The following OR2A5 variants were observed in gnomAD, a reference collection of about 807,000 sequenced individuals.
The protein encoded by OR2A5 is olfactory receptor 2A5.
A neutral mutation model predicts 1.9 loss-of-function variants in OR2A5; 2 were observed. That is an observed-to-expected ratio of 1.04 (90% CI 0.43 to 3.28). The LOEUF is 3.28. Among genes scored for constraint, OR2A5 ranks in the 30% most tolerant of loss-of-function variants. The pLI is 0.08. For synonymous variants in OR2A5, 160 were observed against 154.5 expected (o/e 1.04, Z -0.26); for missense variants, 391 against 375.9 (o/e 1.04, Z -0.33).
rs546146455 is a variant in OR2A5, at chr7:144,054,327, A to C, written c.*2990A>C. The C allele has an allele frequency of 1.3e-5, 2 of 152,202 alleles. No homozygotes were observed. Among genetic ancestry groups the C allele is most frequent in the South Asian group, 2.1e-4 (1 of 4,830 alleles). 9.4% of individuals were successfully genotyped at this position (152,202 alleles called of 1,614,324 possible). ...ATATAACTTTTATGAATGCTAAATG[A>C]AAGACTTTATGTGACTCTGATTTGA... is the stretch of plus-strand genomic sequence containing the variant. On this transcript the variant is annotated 3_prime_UTR_variant, in exon 2 of 2. Transcript: ENST00000641693.
intron 1 of OR2A5, among the ~76,000 whole-genome samples, 194 bp from the exon 2 acceptor site, chr7:144,050,157 T>G (rs1028659461): frequency 3.9e-5 from 6 of 152,210 alleles, no homozygotes; most frequent in African/African-American, 1.4e-4. Flanking sequence ...TCTGTGGGAC[T>G]GGATATAGTA....
rs1171857489 is a variant in OR2A5 at position 144,051,183 on chromosome 7, C to A, written c.782C>A (p.Ala261Asp). 2 of 1,613,926 alleles carry A rather than the reference C, an allele frequency of 1.2e-6. No individual in the cohort carries two copies. The highest frequency in any genetic ancestry group is 1.7e-6 in the Non-Finnish European group (2 of 1,179,922). Residue 261 changes from alanine (A) to aspartate (D), a missense_variant, in exon 2 of 2, where the codon GCC becomes GAC. Transcript: ENST00000641693. ...FFGSAIVMYM[A>D]PKSRHPEEQQ... ...GGCAGCGCCATTGTCATGTACATGGCCCCCAAGTCCCGCCACCCTGAGGAG... is the reference window on the plus strand; with the variant it reads ...GGCAGCGCCATTGTCATGTACATGGACCCCAAGTCCCGCCACCCTGAGGAG...
rs1172789226 is a variant in OR2A5 at position 144,055,820 on chromosome 7, C to T, written c.*4483C>T. 6.6e-6 allele frequency: 1 copy of T among 152,136 alleles called. No homozygotes were observed. Among genetic ancestry groups the T allele is most frequent in the Non-Finnish European group, 1.5e-5 (1 of 68,082 alleles). 9.4% of individuals were successfully genotyped at this position (152,136 alleles called of 1,614,324 possible). A position where few individuals can be genotyped will look rare whatever the true frequency, so the allele number is the denominator to read the frequency against. ...ATTGAGGTGGGAGGATCGCTTGAGC[C>T]CCGTAGTTTGAGGCTGCAGTGAGCT... is the stretch of plus-strand genomic sequence containing the variant. On this transcript the variant is annotated 3_prime_UTR_variant, in exon 2 of 2. Transcript: ENST00000641693.
At position 144,056,586 on chromosome 7, in the gene OR2A5, A is replaced by T. The variant is rs977172807; in HGVS notation, c.*5249A>T. 3 of 152,224 alleles carry T rather than the reference A, an allele frequency of 2.0e-5. No individual in the cohort carries two copies. Among genetic ancestry groups the T allele is most frequent in the Middle Eastern group, 3.2e-3 (1 of 316 alleles). 9.4% of individuals were successfully genotyped at this position (152,224 alleles called of 1,614,324 possible). ...CAAAATATCAACAACTGGAAAATAA[A>T]TTCACTTCTGATGATGTCCCTTGTG... is the stretch of plus-strand genomic sequence containing the variant. On this transcript the variant is annotated 3_prime_UTR_variant, in exon 2 of 2. Transcript: ENST00000641693.
At position 144,051,100 on chromosome 7, in the gene OR2A5, C is replaced by A; in HGVS notation, c.699C>A (p.Gly233=). 6.2e-7 allele frequency: 1 copy of A among 1,614,156 alleles called. No homozygotes were observed. Among genetic ancestry groups the A allele is most frequent in the Admixed American group, 1.7e-5 (1 of 60,034 alleles). ...TCTTGAGGATCCAGTCTGGGGAGGG[C>A]CGCAGAAAGGCCTTCTCCACCTGCT... ...AAILRIQSGE[G]RRKAFSTCSS... Residue 233 remains glycine, a synonymous_variant, in exon 2 of 2, where the codon GGC becomes GGA. Coordinates refer to ENST00000641693, the MANE Select transcript of OR2A5 (RefSeq NM_012365.2).
rs774946083 is a variant in OR2A5, at chr7:144,050,587, C to T, written c.186C>T (p.Leu62=). Residue 62 remains leucine, a synonymous_variant, in exon 2 of 2, where the codon CTC becomes CTT. Coordinates refer to ENST00000641693, the MANE Select transcript of OR2A5 (RefSeq NM_012365.2). The part of the protein sequence containing the change: ...SRLHTPMYFF[L]SHLAIIDISY... Reference sequence around the variant, plus strand: ...TGCACACCCCCATGTACTTCTTTCTCTCACACCTGGCCATCATTGATATTT... The same window carrying T: ...TGCACACCCCCATGTACTTCTTTCTTTCACACCTGGCCATCATTGATATTT... 3.7e-6 allele frequency: 6 copies of T among 1,610,962 alleles called. No homozygotes were observed. In the African/African-American group the frequency reaches 5.3e-5, roughly 14 times the overall value.
rs569709047 is a variant in OR2A5, at chr7:144,054,101, T to G, written c.*2764T>G. The G allele has an allele frequency of 6.6e-6, 1 of 152,342 alleles. No homozygotes were observed. Among genetic ancestry groups the G allele is most frequent in the Non-Finnish European group, 1.5e-5 (1 of 68,036 alleles). The allele number at this position is 152,342 out of a possible 1,614,324, so 9.4% of individuals were successfully genotyped here. On this transcript the variant is annotated 3_prime_UTR_variant, in exon 2 of 2. Coordinates refer to ENST00000641693, the MANE Select transcript of OR2A5 (RefSeq NM_012365.2). ...TGTACAGATCCGTGATGGACCTACC[T>G]TACCAGTGCTCTAGGCTGCTAGGAC...
chr7:144,058,469 GT>G lies in OR2A5; in HGVS notation c.*7135del, dbSNP rs2050957741. 6.6e-6 allele frequency: 1 copy of G among 152,316 alleles called. No individual in the cohort carries two copies. Among genetic ancestry groups the G allele is most frequent in the Admixed American group, 6.6e-5 (1 of 15,256 alleles). 9.4% of individuals were successfully genotyped at this position (152,316 alleles called of 1,614,324 possible). A position where few individuals can be genotyped will look rare whatever the true frequency, so the allele number is the denominator to read the frequency against. On this transcript the variant is annotated 3_prime_UTR_variant, in exon 2 of 2. Coordinates refer to ENST00000641693, the MANE Select transcript of OR2A5 (RefSeq NM_012365.2). ...CTGGGCAATTTATTTTTAAAACAGG[GT>G]TTAGTTGACTCACAGTTCAGCATGG... is the stretch of plus-strand genomic sequence containing the variant.
rs536745950 is a variant in OR2A5, at chr7:144,054,445, C to T, written c.*3108C>T. 6.6e-6 allele frequency: 1 copy of T among 152,102 alleles called. No individual in the cohort carries two copies. Among genetic ancestry groups the T allele is most frequent in the Non-Finnish European group, 1.5e-5 (1 of 68,012 alleles). 9.4% of individuals were successfully genotyped at this position (152,102 alleles called of 1,614,324 possible). A position where few individuals can be genotyped will look rare whatever the true frequency, so the allele number is the denominator to read the frequency against. ...AGAGCTGGTAAAATTCATGACTAAA[C>T]AACTATAAAACTACAAAATCCAATT... On this transcript the variant is annotated 3_prime_UTR_variant, in exon 2 of 2. Transcript: ENST00000641693.
In OR2A5 at chr7:144,057,657, A is replaced by C. The variant is rs1010310977; in HGVS notation, c.*6320A>C. The C allele has an allele frequency of 6.6e-6, 1 of 152,190 alleles. No homozygotes were observed. The allele number at this position is 152,190 out of a possible 1,614,324, so 9.4% of individuals were successfully genotyped here. A position where few individuals can be genotyped will look rare whatever the true frequency, so the allele number is the denominator to read the frequency against. On this transcript the variant is annotated 3_prime_UTR_variant, in exon 2 of 2. Coordinates refer to ENST00000641693, the MANE Select transcript of OR2A5 (RefSeq NM_012365.2). ...TAATTCAAGAAAAAGAGAAAAATGA[A>C]AATGTTTTCAAACAAAGTCTAAGGA...
rs956543579 is a variant in OR2A5, at chr7:144,055,679, T to A, written c.*4342T>A. Reference sequence around the variant, plus strand: ...ATGCCATCACAACTTTATTTCTAGATATACATGGTTTCACATTTTAAAATA... The same window carrying A: ...ATGCCATCACAACTTTATTTCTAGAAATACATGGTTTCACATTTTAAAATA... On this transcript the variant is annotated 3_prime_UTR_variant, in exon 2 of 2. Transcript: ENST00000641693. The A allele has an allele frequency of 3.3e-5, 5 of 152,230 alleles. No individual in the cohort carries two copies. The highest frequency in any genetic ancestry group is 1.2e-4 in the African/African-American group (5 of 41,456). The allele number at this position is 152,230 out of a possible 1,614,324, so 9.4% of individuals were successfully genotyped here.
chr7:144,057,640 G>C lies in OR2A5; in HGVS notation c.*6303G>C, dbSNP rs1000215162. 6.6e-6 allele frequency: 1 copy of C among 151,776 alleles called. No individual in the cohort carries two copies. The highest frequency in any genetic ancestry group is 2.4e-5 in the African/African-American group (1 of 41,294). The allele number at this position is 151,776 out of a possible 1,614,324, so 9.4% of individuals were successfully genotyped here. A position where few individuals can be genotyped will look rare whatever the true frequency, so the allele number is the denominator to read the frequency against. On this transcript the variant is annotated 3_prime_UTR_variant, in exon 2 of 2. Transcript: ENST00000641693. Reference sequence around the variant, plus strand: ...CACACACAGTTAAACTGTAATTCAAGAAAAAGAGAAAAATGAAAATGTTTT... The same window carrying C: ...CACACACAGTTAAACTGTAATTCAACAAAAAGAGAAAAATGAAAATGTTTT...
In OR2A5 at chr7:144,054,141, C is replaced by G. The variant is rs556691588; in HGVS notation, c.*2804C>G. The G allele has an allele frequency of 6.6e-6, 1 of 152,214 alleles. No homozygotes were observed. The highest frequency in any genetic ancestry group is 1.5e-5 in the Non-Finnish European group (1 of 68,058). The allele number at this position is 152,214 out of a possible 1,614,324, so 9.4% of individuals were successfully genotyped here. ...GCTGCTAGGACTGAGAAAGGGGGAA[C>G]CCAGCACAGGTGCAAGCTGAGATGC... On this transcript the variant is annotated 3_prime_UTR_variant, in exon 2 of 2. Transcript: ENST00000641693.
intron 1 of OR2A5, among the ~76,000 whole-genome samples, chr7:144,050,139 A>G (rs1048054516): frequency 4.6e-5 from 7 of 152,340 alleles, no homozygotes; most frequent in Non-Finnish European, 1.0e-4. Flanking sequence ...ATCCAAGTTA[A>G]GTAAAATTCT....
rs1199687160 is a variant in OR2A5, at chr7:144,057,395, A to G, written c.*6058A>G. The G allele has an allele frequency of 6.6e-6, 1 of 152,232 alleles. No individual in the cohort carries two copies. Among genetic ancestry groups the G allele is most frequent in the Non-Finnish European group, 1.5e-5 (1 of 68,038 alleles). The allele number at this position is 152,232 out of a possible 1,614,324, so 9.4% of individuals were successfully genotyped here. A position where few individuals can be genotyped will look rare whatever the true frequency, so the allele number is the denominator to read the frequency against. On this transcript the variant is annotated 3_prime_UTR_variant, in exon 2 of 2. Coordinates refer to ENST00000641693, the MANE Select transcript of OR2A5 (RefSeq NM_012365.2). ...AACACATGAATTCTCAGAACAAAAGATACTCTGAGTATCAAGCTACATGAA... is the reference window on the plus strand; with the variant it reads ...AACACATGAATTCTCAGAACAAAAGGTACTCTGAGTATCAAGCTACATGAA...
In OR2A5 at chr7:144,058,363, C is replaced by T. The variant is rs1055877621; in HGVS notation, c.*7026C>T. 3.3e-5 allele frequency: 5 copies of T among 151,926 alleles called. No individual in the cohort carries two copies. Among genetic ancestry groups the T allele is most frequent in the African/African-American group, 1.2e-4 (5 of 41,346 alleles). 9.4% of individuals were successfully genotyped at this position (151,926 alleles called of 1,614,324 possible). A position where few individuals can be genotyped will look rare whatever the true frequency, so the allele number is the denominator to read the frequency against. ...AGTATTCCATTACATATGTATAATA[C>T]TTTTTTTTATACTTTCATTTATTGA... On this transcript the variant is annotated 3_prime_UTR_variant, in exon 2 of 2. Transcript: ENST00000641693.
At position 144,053,042 on chromosome 7, in the gene OR2A5, G is replaced by A. The variant is rs1235227698; in HGVS notation, c.*1705G>A. 4 of 151,952 alleles carry A rather than the reference G, an allele frequency of 2.6e-5. No homozygotes were observed. The highest frequency in any genetic ancestry group is 9.7e-5 in the African/African-American group (4 of 41,372). 9.4% of individuals were successfully genotyped at this position (151,952 alleles called of 1,614,324 possible). ...ATAGTTCATCTCATATAAAACATAA[G>A]CAATAGATTTGGATTCAGAATTTTT... On this transcript the variant is annotated 3_prime_UTR_variant, in exon 2 of 2. Coordinates refer to ENST00000641693, the MANE Select transcript of OR2A5 (RefSeq NM_012365.2).
chr7:144,054,818 A>G lies in OR2A5; in HGVS notation c.*3481A>G, dbSNP rs867719024. On this transcript the variant is annotated 3_prime_UTR_variant, in exon 2 of 2. Coordinates refer to ENST00000641693, the MANE Select transcript of OR2A5 (RefSeq NM_012365.2). ...ATAGCTTTGTTACGTTCATTCTCCT[A>G]CCCACACACTAAGAATTCTCATCAA... 4 of 152,334 alleles carry G rather than the reference A, an allele frequency of 2.6e-5. 1 individual carries two copies. Among genetic ancestry groups the G allele is most frequent in the Middle Eastern group, 6.8e-3 (2 of 294 alleles). The allele number at this position is 152,334 out of a possible 1,614,324, so 9.4% of individuals were successfully genotyped here.
Position 144,050,983 on chromosome 7 carries a change from C to A in OR2A5, c.582C>A (p.Leu194=), listed in dbSNP as rs145146363. The change falls in exon 2 of 2, where the codon CTC becomes CTA. Residue 194 remains leucine (L), a synonymous_variant. Transcript: ENST00000641693. The part of the protein sequence containing the change: ...VLKLACADTW[L]NQVVIFAASV... Reference sequence around the variant, plus strand: ...AGTTGGCCTGTGCTGACACCTGGCTCAACCAGGTGGTCATCTTTGCTGCTT... The same window carrying A: ...AGTTGGCCTGTGCTGACACCTGGCTAAACCAGGTGGTCATCTTTGCTGCTT... The A allele has an allele frequency of 6.2e-7, 1 of 1,614,076 alleles. No homozygotes were observed. Among genetic ancestry groups the A allele is most frequent in the South Asian group, 1.1e-5 (1 of 91,078 alleles).
Sources: gnomAD v4.1 joint callset for allele counts (sites outside exome capture counted in the v4.1 genomes callset) on GRCh38, gnomAD v4.1.1 for gene constraint, MANE v1.5 for transcripts, NCBI Gene and HGNC (gene_info 2026-07-23, HGNC 2026-07-21) for gene names.